PANK1: variants seen among roughly 807,000 people sequenced by gnomAD.
PANK1 encodes pantothenic acid kinase 1.
Under a neutral mutation model 40.1 loss-of-function variants are expected in PANK1, and 18 were observed. The ratio of observed to expected loss-of-function variants is 0.45; its 90% CI spans 0.31 to 0.67. The LOEUF (loss-of-function observed/expected upper bound fraction) is 0.67, where lower values mean the gene tolerates loss of function less well. Ranked by LOEUF, PANK1 falls within the 30% of genes least tolerant of loss-of-function variation. PANK1 has a pLI of 0.06. For synonymous variants in PANK1, 242 were observed against 237.7 expected (o/e 1.02, Z -0.17); for missense variants, 457 against 599.6 (o/e 0.76, Z 2.48).
intron 1 of PANK1, among the ~76,000 whole-genome samples, chr10:89,640,663 T>A (rs1380898747): frequency 6.6e-6 from 1 of 152,184 alleles, no homozygotes; most frequent in Admixed American, 6.5e-5. Flanking sequence ...TTCATGATAA[T>A]TGGCTCATAC....
chr10:89,607,926 T>A (rs985478211), intron 2 of PANK1, among the ~76,000 whole-genome samples: 1 of 152,190 alleles, frequency 6.6e-6, no homozygotes, highest in African/African-American at 2.4e-5. Flanking sequence ...TTAGTCTATT[T>A]GAAGTTAGGC....
chr10:89,642,733 G>A (rs1447537480), intron 1 of PANK1, among the ~76,000 whole-genome samples: 2 of 152,158 alleles, frequency 1.3e-5, no homozygotes, highest in African/African-American at 4.8e-5. Flanking sequence ...AGAAATTTTG[G>A]TAGTGAAAAG....
chr10:89,597,886 T>C (rs1018676784), intron 3 of PANK1, among the ~76,000 whole-genome samples: 15 of 152,252 alleles, frequency 9.9e-5, no homozygotes, highest in African/African-American at 3.4e-4. Flanking sequence ...GTTTTGTTTC[T>C]TGTGTGAGCA....
chr10:89,635,438 C>T (rs1841774827), intron 1 of PANK1, among the ~76,000 whole-genome samples: 1 of 152,128 alleles, frequency 6.6e-6, no homozygotes, highest in Admixed American at 6.5e-5. Flanking sequence ...TTTATAATGG[C>T]ATTAATCATT....
chr10:89,584,708 G>C (rs1176672435), intron 6 of PANK1, among the ~76,000 whole-genome samples: 1 of 152,104 alleles, frequency 6.6e-6, no homozygotes, highest in Non-Finnish European at 1.5e-5. Context: ...GTGTGTGCCA[G>C]GGTTGTTAGT....
rs76165749 is a variant in PANK1 at position 89,607,609 on chromosome 10, C to T, written c.645+4087G>A. Among the ~76,000 whole-genome samples, 56 of 152,208 alleles carry T rather than the reference C, an allele frequency of 3.7e-4. No homozygotes were observed. In the East Asian group the frequency reaches 6.5e-3, roughly 18 times the overall value. ...AATACAACAAGGTATGCCTGTATTG[C>T]AATGAAAAGCTATATGGGCAGAATT... On this transcript the variant is annotated intron_variant, in intron 2 of 6. Transcript: ENST00000307534.
intron 1 of PANK1, among the ~76,000 whole-genome samples, chr10:89,636,596 C>T (rs904601247): frequency 1.3e-5 from 2 of 151,882 alleles, no homozygotes. Context: ...GGACTACAGG[C>T]GCATGCCACC....
chr10:89,602,356 T>G (rs1163892997), intron 2 of PANK1, among the ~76,000 whole-genome samples: 1 of 152,240 alleles, frequency 6.6e-6, no homozygotes, highest in Non-Finnish European at 1.5e-5. Flanking sequence ...GAGGGGTGGA[T>G]ATCTCTGAAG....
chr10:89,582,915 T>A (rs567713130), downstream of PANK1: 3 of 152,266 alleles, frequency 2.0e-5, no homozygotes, highest in East Asian at 5.8e-4. Flanking sequence ...CAACAGACAG[T>A]CATTTCATGG....
rs1450359711 is a variant in PANK1 at position 89,645,062 on chromosome 10, C to T, written c.-171G>A. ...CGCTCCTCCCCTCCTCCTGCCGACT[C>T]CCCCACCTCCTCTGCGCCCTGCCCC... is the stretch of plus-strand genomic sequence containing the variant. On this transcript the variant is annotated 5_prime_UTR_variant, in exon 1 of 7. Coordinates refer to ENST00000307534, the MANE Select transcript of PANK1 (RefSeq NM_148977.3). The T allele has an allele frequency of 6.4e-7, 1 of 1,557,332 alleles. No individual in the cohort carries two copies. The highest frequency in any genetic ancestry group is 8.6e-7 in the Non-Finnish European group (1 of 1,157,064).
chr10:89,620,810 C>T (rs1845460018), intron 1 of PANK1, among the ~76,000 whole-genome samples: 1 of 152,168 alleles, frequency 6.6e-6, no homozygotes, highest in African/African-American at 2.4e-5. Context: ...GATGTCACTG[C>T]CAGAGGCCCA....
chr10:89,637,910 T>A (rs1248825519), intron 1 of PANK1, among the ~76,000 whole-genome samples: 1 of 141,748 alleles, frequency 7.1e-6, no homozygotes, highest in East Asian at 2.1e-4. Flanking sequence ...CAAGCTTTTT[T>A]CTATTTTTAA....
chr10:89,612,153 G>A, intron 1 of PANK1, 105 bp from the exon 2 acceptor site: 1 of 890,930 alleles, frequency 1.1e-6, no homozygotes, highest in African/African-American at 1.7e-5. Flanking sequence ...ATCTACATGT[G>A]CATTTAACAT....
chr10:89,591,969 C>T (rs1283020247), intron 5 of PANK1, among the ~76,000 whole-genome samples: 1 of 152,160 alleles, frequency 6.6e-6, no homozygotes, highest in Non-Finnish European at 1.5e-5. Context: ...CCTTTGAGAG[C>T]CCATGAGTAC....
intron 1 of PANK1, among the ~76,000 whole-genome samples, chr10:89,612,775 C>T (rs918038973): frequency 3.3e-5 from 5 of 152,202 alleles, no homozygotes; most frequent in African/African-American, 7.2e-5. Context: ...GTTCTCAATC[C>T]GGCTGCCTTT....
intron 1 of PANK1, among the ~76,000 whole-genome samples, chr10:89,635,598 A>G (rs1311449551): frequency 6.6e-6 from 1 of 152,200 alleles, no homozygotes; most frequent in African/African-American, 2.4e-5. Context: ...TGTTCTTCTC[A>G]CATAAAAGAC....
intron 2 of PANK1, among the ~76,000 whole-genome samples, chr10:89,606,705 G>C (rs1030967667): frequency 6.6e-6 from 1 of 152,128 alleles, no homozygotes; most frequent in African/African-American, 2.4e-5. Context: ...TGTATTTTGT[G>C]TAGAGACAGG....
intron 6 of PANK1, among the ~76,000 whole-genome samples, chr10:89,587,872 A>C (rs1232723529): frequency 6.6e-6 from 1 of 152,238 alleles, no homozygotes; most frequent in Non-Finnish European, 1.5e-5. Context: ...TTATGAATAC[A>C]ATGTGAAATA....
intron 6 of PANK1, among the ~76,000 whole-genome samples, chr10:89,585,063 A>C (rs557697109): frequency 2.6e-5 from 4 of 152,244 alleles, no homozygotes; most frequent in Non-Finnish European, 5.9e-5. Context: ...AAAGTACCCT[A>C]GACTGGGTGG....
Sources: gnomAD v4.1 joint callset for allele counts (sites outside exome capture counted in the v4.1 genomes callset) on GRCh38, gnomAD v4.1.1 for gene constraint, MANE v1.5 for transcripts, NCBI Gene and HGNC (gene_info 2026-07-23, HGNC 2026-07-21) for gene names.